The following PKP2 variants were observed in gnomAD, a reference collection of about 807,000 sequenced individuals.
PKP2 encodes the protein plakophilin-2.
A neutral mutation model predicts 83.4 loss-of-function variants in PKP2; 73 were observed. The ratio of observed to expected loss-of-function variants is 0.88; its 90% CI spans 0.72 to 1.06. The LOEUF is 1.06. PKP2 is among the 50% of genes least tolerant of loss of function. The pLI, the probability that PKP2 is intolerant of heterozygous loss-of-function variation, is 0.00. For synonymous variants in PKP2, 409 were observed against 430.4 expected, an observed-to-expected ratio of 0.95 and a Z score of 0.62; for missense variants, 966 against 1,065.4, an observed-to-expected ratio of 0.91 and a Z score of 1.30.
chr12:32,881,013 A>T (rs1956981530), intron 1 of PKP2, among the ~76,000 whole-genome samples: 1 of 152,224 alleles, frequency 6.6e-6, no homozygotes, highest in African/African-American at 2.4e-5. Flanking sequence ...TTTCCAGTAC[A>T]ATGGGAACAC....
At chr12:32,866,188 A>C (rs1291804755) in intron 4 of PKP2, among the ~76,000 whole-genome samples, 1 of 152,178 alleles carries the variant, frequency 6.6e-6, no homozygotes. Flanking sequence ...AAACAAAACA[A>C]AACAAAATGG....
chr12:32,881,931 G>A (rs1956990079), intron 1 of PKP2, among the ~76,000 whole-genome samples: 1 of 152,218 alleles, frequency 6.6e-6, no homozygotes, highest in Admixed American at 6.5e-5. Flanking sequence ...TGGGAAAGGA[G>A]GCTAGCAGGC....
chr12:32,811,301 G>A (rs944811366), intron 9 of PKP2, among the ~76,000 whole-genome samples: 5 of 152,226 alleles, frequency 3.3e-5, no homozygotes, highest in Non-Finnish European at 5.9e-5. Context: ...CTTAATTCTA[G>A]TAGGTGCTGT....
intron 6 of PKP2, among the ~76,000 whole-genome samples, chr12:32,830,489 G>T (rs553327841): frequency 4.2e-4 from 64 of 152,266 alleles, no homozygotes; most frequent in South Asian, 8.3e-4. Flanking sequence ...GTAGAACAAG[G>T]CCCTACAACC....
intron 10 of PKP2, among the ~76,000 whole-genome samples, chr12:32,799,129 G>A (rs1000313011): frequency 3.9e-5 from 6 of 152,036 alleles, no homozygotes; most frequent in African/African-American, 1.5e-4. Flanking sequence ...CTCAAAAGAA[G>A]ATATACAAAT....
intron 10 of PKP2, 124 bp downstream of exon 10, chr12:32,802,279 T>C: frequency 1.0e-6 from 1 of 979,020 alleles, no homozygotes. Context: ...CAGGCCGGTT[T>C]ATCACCTACT....
At chr12:32,805,480 A>C (rs779557664) in intron 9 of PKP2, among the ~76,000 whole-genome samples, 1 of 152,144 alleles carries the variant, frequency 6.6e-6, no homozygotes, top group Non-Finnish European at 1.5e-5. Context: ...TAATTTTTGT[A>C]TAAGGTACAA....
intron 4 of PKP2, among the ~76,000 whole-genome samples, chr12:32,858,857 ACTT>A (rs1956776848): frequency 1.3e-5 from 2 of 152,204 alleles, no homozygotes; most frequent in African/African-American, 4.8e-5. Context: ...AAGGTGCTCA[ACTT>A]CATGAATAAT....
In PKP2 at chr12:32,822,684, G is replaced by A. The variant is rs1956393777; in HGVS notation, c.1675-53C>T. 3.2e-6 allele frequency: 5 copies of A among 1,576,232 alleles called. No homozygotes were observed. The Admixed American group carries it at 8.3e-5, about 26-fold the overall frequency. The stretch of plus-strand genomic sequence containing the variant: ...CGTATACATATAGATATCCTTGCAG[G>A]TGTGATATCACAGGACACAGGCTTT... On this transcript the variant is annotated intron_variant, in intron 7 of 12. Transcript: ENST00000340811.
Position 32,858,084 on chromosome 12 carries a change from A to AAAT in PKP2, c.1171-7112_1171-7111insATT, listed in dbSNP as rs1233128620. 9.0e-5 allele frequency among the ~76,000 whole-genome samples: 6 copies of AAAT among 67,022 alleles called. No individual in the cohort carries two copies. In the East Asian group the frequency reaches 1.9e-3, roughly 22 times the overall value. The allele number at this position is 67,022 out of a possible 152,430, so 44.0% of individuals were successfully genotyped here. A position where few individuals can be genotyped will look rare whatever the true frequency, so the allele number is the denominator to read the frequency against. On this transcript the variant is annotated intron_variant, in intron 4 of 12. Transcript: ENST00000340811. Reference sequence around the variant, plus strand: ...CTCTACAAAAAAAAAAAAAAAAAAAAATATATATATATATATATATATATA... The same window carrying AAAT: ...CTCTACAAAAAAAAAAAAAAAAAAAAAATATATATATATATATATATATATATA...
chr12:32,812,358 C>A (rs1188463865), intron 9 of PKP2, among the ~76,000 whole-genome samples: 1 of 151,984 alleles, frequency 6.6e-6, no homozygotes, highest in Non-Finnish European at 1.5e-5. Context: ...CTGTGTTCAC[C>A]CAGAAAGCTA....
chr12:32,819,935 G>C (rs76827278), intron 9 of PKP2, among the ~76,000 whole-genome samples: 3,390 of 148,434 alleles, frequency 0.023, 129 homozygotes, highest in African/African-American at 0.081. Context: ...GAATTAAAAA[G>C]AGGGCTTCTA....
In PKP2 at chr12:32,802,449, C is replaced by T. The variant is rs139098675; in HGVS notation, c.2121G>A (p.Ser707=). 1.3e-4 allele frequency: 208 copies of T among 1,614,124 alleles called. No homozygotes were observed. The highest frequency in any genetic ancestry group is 3.3e-4 in the Middle Eastern group (2 of 6,062). ...GDPSVKKTAI[S]LLRNLSRNLS... ...GATTCCGGGACAGATTCCTCAGCAG[C>T]GAGATGGCTGTCTTTTTCACACTTG... The change falls in exon 10 of 13, where the codon TCG becomes TCA. Residue 707 remains serine, a synonymous_variant. Coordinates refer to ENST00000340811, the MANE Select transcript of PKP2 (RefSeq NM_001005242.3).
At chr12:32,800,823 G>A (rs74584616) in intron 10 of PKP2, among the ~76,000 whole-genome samples, 3,430 of 152,280 alleles carry the variant, frequency 0.023, 132 homozygotes, top group African/African-American at 0.078. Context: ...TGTGAAATCT[G>A]TTATTCTGTT....
intron 3 of PKP2, among the ~76,000 whole-genome samples, chr12:32,872,147 T>A (rs773056113): frequency 1.1e-4 from 16 of 152,310 alleles, no homozygotes; most frequent in East Asian, 3.9e-4. Flanking sequence ...AACAATTTTT[T>A]AAATGATATC....
chr12:32,859,095 G>A (rs1222052323), intron 4 of PKP2, among the ~76,000 whole-genome samples: 1 of 151,874 alleles, frequency 6.6e-6, no homozygotes, highest in Admixed American at 6.6e-5. Context: ...TGCTTCCCAG[G>A]GTATTTATGT....
At chr12:32,796,405 C>T (rs757424989) in intron 10 of PKP2, 107 bp from the exon 11 acceptor site, 117 of 1,028,896 alleles carry the variant, frequency 1.1e-4, no homozygotes, top group Middle Eastern at 5.0e-4. Context: ...TTTTTTGAGA[C>T]GGAATCTTGC....
At position 32,879,888 on chromosome 12, in the gene PKP2, AG is replaced by A. The variant is rs1956969943; in HGVS notation, c.224-857del. Among the ~76,000 whole-genome samples the A allele has an allele frequency of 2.0e-5, 3 of 152,050 alleles. No individual in the cohort carries two copies. In the South Asian group the frequency reaches 6.3e-4, roughly 32 times the overall value. Reference sequence around the variant, plus strand: ...AGTTGAATTTAAAAAAAGAAAAAGAAGGGAGAGGAAATTCACAAAAATCTAA... The same window carrying A: ...AGTTGAATTTAAAAAAAGAAAAAGAAGGAGAGGAAATTCACAAAAATCTAA... On this transcript the variant is annotated intron_variant, in intron 1 of 12. Coordinates refer to ENST00000340811, the MANE Select transcript of PKP2 (RefSeq NM_001005242.3).
intron 5 of PKP2, among the ~76,000 whole-genome samples, chr12:32,848,970 AGT>A: frequency 6.6e-6 from 1 of 151,536 alleles, no homozygotes. Context: ...TTCCGTTAAA[AGT>A]ATTTACCAGA....
Sources: gnomAD v4.1 joint callset for allele counts (sites outside exome capture counted in the v4.1 genomes callset) on GRCh38, gnomAD v4.1.1 for gene constraint, MANE v1.5 for transcripts, NCBI Gene and HGNC (gene_info 2026-07-23, HGNC 2026-07-21) for gene names.